The following RPL28 variants were observed in gnomAD, a reference collection of about 807,000 sequenced individuals.
The protein encoded by RPL28 is large ribosomal subunit protein eL28.
RPL28 carries 4 observed loss-of-function variants against 12.5 expected under a neutral mutation model. The observed-to-expected ratio is 0.32, with a 90% confidence interval of 0.16 to 0.73. RPL28 has a LOEUF of 0.73. RPL28 is among the 30% of genes least tolerant of loss of function. The pLI is 0.66. For missense variants in RPL28, 214 were observed against 197.7 expected, an observed-to-expected ratio of 1.08 and a Z score of -0.49; for synonymous variants, 91 against 72.5, an observed-to-expected ratio of 1.26 and a Z score of -1.30.
rs112482265 is a variant in RPL28, at chr19:55,390,015, C to T, written c.*1683C>T. On this transcript the variant is annotated 3_prime_UTR_variant, in exon 5 of 5. Coordinates refer to ENST00000344063, the MANE Select transcript of RPL28 (RefSeq NM_000991.5). ...TAGATGGCCCCTTCTCGTGAGGCCTCTCCCCTGGCACCTGCTTCAGTTGTC... is the reference window on the plus strand; with the variant it reads ...TAGATGGCCCCTTCTCGTGAGGCCTTTCCCCTGGCACCTGCTTCAGTTGTC... 6.2e-5 allele frequency: 61 copies of T among 985,486 alleles called. No homozygotes were observed. The highest frequency in any genetic ancestry group is 1.6e-4 in the African/African-American group (9 of 57,362). The allele number at this position is 985,486 out of a possible 1,614,324, so 61.0% of individuals were successfully genotyped here.
downstream of RPL28, among the ~76,000 whole-genome samples, chr19:55,392,690 C>G (rs2089999150): frequency 6.6e-6 from 1 of 152,152 alleles, no homozygotes; most frequent in Non-Finnish European, 1.5e-5. Flanking sequence ...CCACGCCCGG[C>G]TAAATGTTTT....
chr19:55,386,007 G>A (rs2089919147), intron 1 of RPL28, 42 bp downstream of exon 1: 6 of 267,808 alleles, frequency 2.2e-5, no homozygotes, highest in South Asian at 2.2e-4. Context: ...TCTCCGGCCC[G>A]CCGCGCACTC....
downstream of RPL28, among the ~76,000 whole-genome samples, chr19:55,392,508 C>T (rs1269175599): frequency 6.6e-6 from 1 of 151,574 alleles, no homozygotes; most frequent in Admixed American, 6.6e-5. Context: ...GTTGGGATTA[C>T]AAGCGTGAGC....
At position 55,388,666 on chromosome 19, in the gene RPL28, C is replaced by G. The variant is rs1341121379; in HGVS notation, c.*334C>G. 3.6e-6 allele frequency: 4 copies of G among 1,122,718 alleles called. No individual in the cohort carries two copies. Among genetic ancestry groups the G allele is most frequent in the Admixed American group, 9.9e-5 (2 of 20,212 alleles). 69.5% of individuals were successfully genotyped at this position (1,122,718 alleles called of 1,614,324 possible). A position where few individuals can be genotyped will look rare whatever the true frequency, so the allele number is the denominator to read the frequency against. On this transcript the variant is annotated 3_prime_UTR_variant, in exon 5 of 5. Coordinates refer to ENST00000344063, the MANE Select transcript of RPL28 (RefSeq NM_000991.5). ...GGCTTCCATTCAGAAGAAGAAAGGC[C>G]TTTTCTAGCCCAGAAGGGTGCAGGC...
downstream of RPL28, among the ~76,000 whole-genome samples, chr19:55,395,725 G>C (rs989899595): frequency 6.6e-6 from 1 of 152,044 alleles, no homozygotes; most frequent in Non-Finnish European, 1.5e-5. Context: ...TTACAGGCAT[G>C]AGCCACCGCG....
downstream of RPL28, among the ~76,000 whole-genome samples, chr19:55,395,293 T>A (rs911937988): frequency 6.7e-6 from 1 of 149,470 alleles, no homozygotes; most frequent in African/African-American, 2.5e-5. Flanking sequence ...TGCGCCACCA[T>A]GCCCAGCTAA....
chr19:55,393,828 TAGTAGAG>T (rs1192121389), downstream of RPL28, among the ~76,000 whole-genome samples: 1 of 149,188 alleles, frequency 6.7e-6, no homozygotes, highest in African/African-American at 2.5e-5. Context: ...TTTGTATTTT[TAGTAGAG>T]ACGGGGGTGT....
At chr19:55,401,815 C>CA in intron 4 of RPL28, 1 of 1,595,116 alleles carries the variant, frequency 6.3e-7, no homozygotes, top group Non-Finnish European at 8.6e-7. Context: ...CAGGGACCCC[C>CA]AGGCCTCCAC....
intron 4 of RPL28, among the ~76,000 whole-genome samples, chr19:55,397,763 G>A (rs1346875142): frequency 6.6e-6 from 1 of 151,702 alleles, no homozygotes; most frequent in Non-Finnish European, 1.5e-5. Context: ...CAGCTACTAG[G>A]GAGGCTGAGG....
chr19:55,390,176 A>G lies in RPL28; in HGVS notation c.*1844A>G. The G allele has an allele frequency of 1.0e-6, 1 of 985,468 alleles. No homozygotes were observed. The allele number at this position is 985,468 out of a possible 1,614,324, so 61.0% of individuals were successfully genotyped here. On this transcript the variant is annotated 3_prime_UTR_variant, in exon 5 of 5. Coordinates refer to ENST00000344063, the MANE Select transcript of RPL28 (RefSeq NM_000991.5). ...TTGATGAATGGTGCATATTGAATGT[A>G]TAAAGCCCACCGGTCCTGAGAGTTT...
chr19:55,393,161 T>C (rs530937697), downstream of RPL28, among the ~76,000 whole-genome samples: 1 of 151,260 alleles, frequency 6.6e-6, no homozygotes, highest in East Asian at 2.0e-4. Context: ...TCCCCTGCTG[T>C]CCCTCCAGGC....
downstream of RPL28, among the ~76,000 whole-genome samples, chr19:55,397,057 T>C (rs2090029223): frequency 6.6e-6 from 1 of 151,934 alleles, no homozygotes; most frequent in Non-Finnish European, 1.5e-5. Flanking sequence ...TTTTTGTGTT[T>C]TTTGTACAGA....
chr19:55,401,601 A>C lies in RPL28; in HGVS notation c.325-1342A>C, dbSNP rs111954966. 22,028 of 1,605,766 alleles carry C rather than the reference A, an allele frequency of 0.014. 261 individuals are homozygous for C. Among genetic ancestry groups the C allele is most frequent in the South Asian group, 0.044 (4,019 of 90,712 alleles). ...CTTCAGTGCCACTGGCCAGGGCCCG[A>C]CCGGCTTCGGCCCTGCCGCTGGGCC... On this transcript the variant is annotated intron_variant, in intron 4 of 4. Transcript: ENST00000560055.
intron 3 of RPL28, 191 bp downstream of exon 3, chr19:55,386,884 C>G: frequency 1.3e-6 from 2 of 1,538,334 alleles, no homozygotes; most frequent in Non-Finnish European, 1.7e-6. Flanking sequence ...CGTCTGAGCC[C>G]GTGTCCTCAC....
chr19:55,399,341 A>AT (rs1209009569), intron 4 of RPL28, among the ~76,000 whole-genome samples: 1 of 151,860 alleles, frequency 6.6e-6, no homozygotes, highest in Non-Finnish European at 1.5e-5. Context: ...TAATTTTTGT[A>AT]TTTTTAGTAG....
In RPL28 at chr19:55,391,137, A is replaced by C. The variant is rs2089986360; in HGVS notation, c.*2805A>C. The C allele has an allele frequency of 4.3e-6, 1 of 233,328 alleles. No homozygotes were observed. Among genetic ancestry groups the C allele is most frequent in the Non-Finnish European group, 7.1e-6 (1 of 140,800 alleles). The allele number at this position is 233,328 out of a possible 1,614,324, so 14.5% of individuals were successfully genotyped here. On this transcript the variant is annotated 3_prime_UTR_variant, in exon 5 of 5. Transcript: ENST00000344063. ...GAAACCAGGCCCAGGCAGTGGGGAC[A>C]CATCCAGAGTGCTGAAAGAACCTCC...
At chr19:55,396,871 T>C (rs928981310), downstream of RPL28, among the ~76,000 whole-genome samples, 12 of 150,470 alleles carry the variant, frequency 8.0e-5, no homozygotes, top group East Asian at 2.0e-4. Flanking sequence ...TGAGCCACGG[T>C]GCCTGGCCTC....
In RPL28 at chr19:55,386,382, G is replaced by A; in HGVS notation, c.25G>A (p.Val9Ile). Reference protein sequence around the residue: MSAHLQWMVVRNCSSFLIK... With the variant: MSAHLQWMIVRNCSSFLIK... ...CATGTCTGCGCATCTGCAATGGATG[G>A]TCGTGCGGAACTGCTCCAGTTTCCT... is the stretch of plus-strand genomic sequence containing the variant. The change falls in exon 2 of 5, where the codon GTC (valine) becomes ATC (isoleucine). Residue 9 changes from valine to isoleucine, a missense_variant. Val to Ile is a conservative substitution (Grantham distance 29). Coordinates refer to ENST00000344063, the MANE Select transcript of RPL28 (RefSeq NM_000991.5). The A allele has an allele frequency of 6.2e-7, 1 of 1,614,134 alleles. No homozygotes were observed. The highest frequency in any genetic ancestry group is 8.5e-7 in the Non-Finnish European group (1 of 1,180,026).
In RPL28 at chr19:55,391,883, G is replaced by T; in HGVS notation, c.*3551G>T. The T allele has an allele frequency of 7.4e-7, 1 of 1,359,442 alleles. No homozygotes were observed. Among genetic ancestry groups the T allele is most frequent in the Non-Finnish European group, 9.5e-7 (1 of 1,050,618 alleles). 84.2% of individuals were successfully genotyped at this position (1,359,442 alleles called of 1,614,324 possible). A position where few individuals can be genotyped will look rare whatever the true frequency, so the allele number is the denominator to read the frequency against. ...CACCTGGAAGACATGCCAGATCCATGTGCAGTAATGCCTGGTGGCTCCAGG... is the reference window on the plus strand; with the variant it reads ...CACCTGGAAGACATGCCAGATCCATTTGCAGTAATGCCTGGTGGCTCCAGG... On this transcript the variant is annotated 3_prime_UTR_variant, in exon 5 of 5. Coordinates refer to ENST00000344063, the MANE Select transcript of RPL28 (RefSeq NM_000991.5).
Sources: allele counts gnomAD v4.1 joint callset (sites outside exome capture counted in the v4.1 genomes callset), GRCh38; gene constraint gnomAD v4.1.1; transcripts MANE v1.5; gene names NCBI Gene and HGNC (gene_info 2026-07-23, HGNC 2026-07-21).